GRIK2: variants seen among roughly 807,000 people sequenced by gnomAD.
GRIK2 encodes glutamate ionotropic receptor kainate type subunit 2, also known as glutamate receptor ionotropic, kainate 2.
In GRIK2, 32 loss-of-function variants were observed where a neutral mutation model predicts 100.3. The observed-to-expected ratio is 0.32, with a 90% CI of 0.24 to 0.43. GRIK2 has a LOEUF of 0.43. Ranked by LOEUF, GRIK2 falls within the 20% of genes least tolerant of loss-of-function variation. The pLI, the probability that GRIK2 is intolerant of heterozygous loss-of-function variation, is 1.00. For missense variants in GRIK2, 843 were observed against 1,114.9 expected, an observed-to-expected ratio of 0.76 and a Z score of 3.47; for synonymous variants, 417 against 389.4, an observed-to-expected ratio of 1.07 and a Z score of -0.83.
At chr6:101,867,646 C>T (rs1340544598) in intron 11 of GRIK2, among the ~76,000 whole-genome samples, 1 of 151,560 alleles carries the variant, frequency 6.6e-6, no homozygotes, top group Non-Finnish European at 1.5e-5. Flanking sequence ...ATATAAATGA[C>T]TATATTTTAT....
At chr6:101,457,700 T>C (rs1471922555) in intron 2 of GRIK2, among the ~76,000 whole-genome samples, 1 of 152,138 alleles carries the variant, frequency 6.6e-6, no homozygotes, top group Non-Finnish European at 1.5e-5. Context: ...GGATTTTAAC[T>C]ACATTAAAAT....
intron 14 of GRIK2, among the ~76,000 whole-genome samples, chr6:101,949,871 C>T (rs1003416373): frequency 6.6e-6 from 1 of 152,012 alleles, no homozygotes; most frequent in African/African-American, 2.4e-5. Flanking sequence ...GGGTATATAC[C>T]TAGTAATGGG....
rs41285448 is a variant in GRIK2, at chr6:101,928,776, G to A, written c.2085+144G>A. On this transcript the variant is annotated intron_variant, in intron 14 of 16. Coordinates refer to ENST00000369134, the MANE Select transcript of GRIK2 (RefSeq NM_021956.5). ...CATATACCTCAAGGGGTGGAGAGGT[G>A]TACAACTGAACGTATGCTCATCAAG... The A allele has an allele frequency of 5.2e-4, 319 of 610,222 alleles. 1 individual carries two copies. Among genetic ancestry groups the A allele is most frequent in the Non-Finnish European group, 8.6e-4 (295 of 341,184 alleles). 37.8% of individuals were successfully genotyped at this position (610,222 alleles called of 1,614,324 possible).
chr6:101,873,827 T>C (rs1256216828), intron 11 of GRIK2, among the ~76,000 whole-genome samples: 3 of 152,116 alleles, frequency 2.0e-5, no homozygotes, highest in Non-Finnish European at 4.4e-5. Context: ...GGTTTTGATT[T>C]GCATTTCTCT....
At chr6:101,712,232 T>G (rs1773767431) in intron 7 of GRIK2, among the ~76,000 whole-genome samples, 1 of 151,856 alleles carries the variant, frequency 6.6e-6, no homozygotes, top group Non-Finnish European at 1.5e-5. Flanking sequence ...TTTAGAACCT[T>G]GCTACCCTGT....
At chr6:101,680,630 A>G (rs1771173409) in intron 5 of GRIK2, among the ~76,000 whole-genome samples, 4 of 152,138 alleles carry the variant, frequency 2.6e-5, no homozygotes, top group Admixed American at 1.3e-4. Context: ...ATACATCTGA[A>G]TCGTTATTTC....
At chr6:101,460,998 A>C (rs1332640733) in intron 2 of GRIK2, among the ~76,000 whole-genome samples, 8 of 152,194 alleles carry the variant, frequency 5.3e-5, no homozygotes, top group Admixed American at 3.9e-4. Context: ...TTATTATCGT[A>C]GACATCACCA....
At chr6:101,768,683 A>G (rs1044057532) in intron 7 of GRIK2, among the ~76,000 whole-genome samples, 7 of 152,182 alleles carry the variant, frequency 4.6e-5, no homozygotes, top group African/African-American at 7.2e-5. Flanking sequence ...ATATCACAGT[A>G]ATTTCTATTA....
intron 10 of GRIK2, among the ~76,000 whole-genome samples, chr6:101,834,463 G>T (rs946532543): frequency 7.2e-5 from 11 of 151,852 alleles, no homozygotes; most frequent in African/African-American, 2.7e-4. Context: ...TAATCACTTA[G>T]TGGTAAGTTC....
intron 2 of GRIK2, among the ~76,000 whole-genome samples, chr6:101,405,349 A>G (rs1775538471): frequency 6.6e-6 from 1 of 152,062 alleles, no homozygotes. Flanking sequence ...GATTTAATAA[A>G]TGGAATTATA....
chr6:101,466,107 C>T (rs1771632161), intron 2 of GRIK2, among the ~76,000 whole-genome samples: 1 of 152,114 alleles, frequency 6.6e-6, no homozygotes, highest in Admixed American at 6.5e-5. Context: ...CAAAATATTT[C>T]CTTCTGTCAT....
chr6:101,801,999 T>G (rs1780700913), intron 8 of GRIK2, among the ~76,000 whole-genome samples: 1 of 151,800 alleles, frequency 6.6e-6, no homozygotes, highest in Admixed American at 6.6e-5. Context: ...ATATTTAATA[T>G]CTCATACACC....
intron 12 of GRIK2, among the ~76,000 whole-genome samples, chr6:101,902,475 ATG>A (rs1205428899): frequency 6.6e-6 from 1 of 151,904 alleles, no homozygotes; most frequent in East Asian, 1.9e-4. Context: ...CTTAAAGTAA[ATG>A]TCAGTTTATC....
intron 2 of GRIK2, among the ~76,000 whole-genome samples, chr6:101,498,018 T>TC (rs1224280128): frequency 1.6e-5 from 1 of 64,054 alleles, no homozygotes; most frequent in African/African-American, 6.4e-5. Context: ...CCCTCCCCCC[T>TC]CCCCCCACCC....
At chr6:101,900,344 A>T (rs1022014767) in intron 12 of GRIK2, among the ~76,000 whole-genome samples, 19 of 152,030 alleles carry the variant, frequency 1.2e-4, no homozygotes, top group South Asian at 4.1e-4. Context: ...CATGCCTGTA[A>T]TCCCAGCTAC....
At chr6:101,736,306 G>T (rs1209314785) in intron 7 of GRIK2, among the ~76,000 whole-genome samples, 1 of 152,212 alleles carries the variant, frequency 6.6e-6, no homozygotes, top group Non-Finnish European at 1.5e-5. Flanking sequence ...ACTAGGCAGT[G>T]CCCCAGTAGG....
At chr6:101,608,784 GGTGTGTGTGT>G (rs71689029) in intron 2 of GRIK2, among the ~76,000 whole-genome samples, 2 of 141,970 alleles carry the variant, frequency 1.4e-5, no homozygotes, top group East Asian at 2.2e-4. Context: ...CTCATAGAGG[GGTGTGTGTGT>G]GTGTGTGTGT....
chr6:101,942,293 G>A (rs536872205), intron 14 of GRIK2, among the ~76,000 whole-genome samples: 4 of 152,234 alleles, frequency 2.6e-5, no homozygotes, highest in Non-Finnish European at 5.9e-5. Flanking sequence ...TTTTCAAGTA[G>A]TTCTTTATAG....
intron 2 of GRIK2, among the ~76,000 whole-genome samples, chr6:101,441,413 A>G (rs1214685164): frequency 6.6e-6 from 1 of 152,168 alleles, no homozygotes; most frequent in Non-Finnish European, 1.5e-5. Flanking sequence ...TTTTTCTAGA[A>G]GATCTCAAGT....
Sources: allele counts gnomAD v4.1 joint callset (sites outside exome capture counted in the v4.1 genomes callset), GRCh38; gene constraint gnomAD v4.1.1; transcripts MANE v1.5; gene names NCBI Gene and HGNC (gene_info 2026-07-23, HGNC 2026-07-21).